The following KIRREL3 variants were observed in gnomAD, a reference collection of about 807,000 sequenced individuals.
KIRREL3 encodes kin of IRRE-like protein 3.
KIRREL3 carries 36 observed loss-of-function variants against 89.7 expected under a neutral mutation model. That is an observed-to-expected ratio of 0.40 (90% CI 0.31 to 0.53). The LOEUF is 0.53. Among genes scored for constraint, KIRREL3 ranks in the 20% least tolerant of loss-of-function variants. The probability of loss-of-function intolerance (pLI) is 0.49; values close to 1 mark genes in which losing one functional copy is unlikely to be tolerated. For synonymous variants in KIRREL3, 445 were observed against 441.4 expected, an observed-to-expected ratio of 1.01 and a Z score of -0.10; for missense variants, 864 against 1,056.6, an observed-to-expected ratio of 0.82 and a Z score of 2.53.
intron 1 of KIRREL3, among the ~76,000 whole-genome samples, chr11:126,822,034 G>C (rs750092559): frequency 2.6e-5 from 4 of 152,202 alleles, no homozygotes; most frequent in Non-Finnish European, 5.9e-5. Context: ...TTTGTGGTGA[G>C]TTGTTACAGC....
rs1189332628 is a variant in KIRREL3 at position 126,424,267 on chromosome 11, T to C, written c.*313A>G. 2 of 439,360 alleles carry C rather than the reference T, an allele frequency of 4.6e-6. No individual in the cohort carries two copies. The highest frequency in any genetic ancestry group is 3.9e-5 in the African/African-American group (2 of 50,868). 27.2% of individuals were successfully genotyped at this position (439,360 alleles called of 1,614,324 possible). A position where few individuals can be genotyped will look rare whatever the true frequency, so the allele number is the denominator to read the frequency against. ...AAAGCAGAGTTATAGCTGCCACTTG[T>C]GCCTGTGGGCAGAGCAGGTGGTAGA... On this transcript the variant is annotated 3_prime_UTR_variant, in exon 17 of 17. Coordinates refer to ENST00000525144, the MANE Select transcript of KIRREL3 (RefSeq NM_032531.4).
chr11:126,536,353 G>A (rs1167816144), intron 2 of KIRREL3, among the ~76,000 whole-genome samples: 1 of 152,110 alleles, frequency 6.6e-6, no homozygotes, highest in East Asian at 1.9e-4. Context: ...AGGAGCCGTT[G>A]CTTACTCCTC....
In KIRREL3 at chr11:126,601,683, G is replaced by T. The variant is rs997360888; in HGVS notation, c.56-38771C>A. On this transcript the variant is annotated intron_variant, in intron 1 of 16. Transcript: ENST00000525144. This position sits in a 1 kb window ranked among gnomAD's most constrained non-coding sequence, Gnocchi z 5.8. ...TCCTGGCCCCCTCTGCCCACTTGCCGCCCCTCCTCCATTCTTCTCATGCAT... is the reference window on the plus strand; with the variant it reads ...TCCTGGCCCCCTCTGCCCACTTGCCTCCCCTCCTCCATTCTTCTCATGCAT... Among the ~76,000 whole-genome samples, 6 of 152,132 alleles carry T rather than the reference G, an allele frequency of 3.9e-5. No individual in the cohort carries two copies. The highest frequency in any genetic ancestry group is 1.2e-4 in the African/African-American group (5 of 41,502).
Position 126,441,062 on chromosome 11 carries a change from G to A in KIRREL3, c.1253-513C>T, listed in dbSNP as rs1201343453. Among the ~76,000 whole-genome samples, 1 of 152,240 alleles carries A rather than the reference G, an allele frequency of 6.6e-6. No individual in the cohort carries two copies. The highest frequency in any genetic ancestry group is 1.9e-4 in the East Asian group (1 of 5,192). On this transcript the variant is annotated intron_variant, in intron 10 of 16. Coordinates refer to ENST00000525144, the MANE Select transcript of KIRREL3 (RefSeq NM_032531.4). This position sits in a 1 kb window ranked among gnomAD's most constrained non-coding sequence, Gnocchi z 5.0. The stretch of plus-strand genomic sequence containing the variant: ...AGCTGCTCGGCCAGACGGGCCAACG[G>A]GAAGAAATGGTTGCTGTCCCTCTCC...
intron 1 of KIRREL3, among the ~76,000 whole-genome samples, chr11:126,809,194 A>G (rs1408416521): frequency 6.6e-6 from 1 of 152,202 alleles, no homozygotes; most frequent in East Asian, 1.9e-4. Flanking sequence ...AGGGTCACCC[A>G]GTCATGAAAA....
rs796966801 is a variant in KIRREL3 at position 126,708,949 on chromosome 11, C to A, written c.56-146037G>T. On this transcript the variant is annotated intron_variant, in intron 1 of 16. Coordinates refer to ENST00000525144, the MANE Select transcript of KIRREL3 (RefSeq NM_032531.4). This position sits in a 1 kb window ranked among gnomAD's most constrained non-coding sequence, Gnocchi z 5.7. The stretch of plus-strand genomic sequence containing the variant: ...GCTGTTTCTTGAATTGGTTTCTTCT[C>A]TATCCCACTATTACTGTCCTGATCC... Among the ~76,000 whole-genome samples, 34 of 152,282 alleles carry A rather than the reference C, an allele frequency of 2.2e-4. No homozygotes were observed. Among genetic ancestry groups the A allele is most frequent in the African/African-American group, 7.7e-4 (32 of 41,568 alleles).
rs4937165 is a variant in KIRREL3 at position 126,636,560 on chromosome 11, C to T, written c.56-73648G>A. ...ATTTGAGTGTCTGCCCCTCATCCTG[C>T]CCCCCAGATCTCACTGCTCTCTGAG... On this transcript the variant is annotated intron_variant, in intron 1 of 16. Transcript: ENST00000525144. This position sits in a 1 kb window ranked among gnomAD's most constrained non-coding sequence, Gnocchi z 4.4. Among the ~76,000 whole-genome samples the T allele has an allele frequency of 0.2, 30,529 of 152,040 alleles. 3,202 individuals carry two copies. Among genetic ancestry groups the T allele is most frequent in the East Asian group, 0.4 (2,039 of 5,144 alleles).
At chr11:126,921,088 G>A (rs1449360815) in intron 1 of KIRREL3, among the ~76,000 whole-genome samples, 1 of 152,186 alleles carries the variant, frequency 6.6e-6, no homozygotes, top group Non-Finnish European at 1.5e-5. Flanking sequence ...CAAGGCAGGG[G>A]AAGGGCACAT....
intron 1 of KIRREL3, among the ~76,000 whole-genome samples, chr11:126,886,147 C>T (rs752598704): frequency 4.6e-5 from 7 of 152,202 alleles, no homozygotes; most frequent in Non-Finnish European, 7.3e-5. Flanking sequence ...TTTTGACCCA[C>T]GAATACTTAC....
chr11:126,932,533 G>T (rs79336206), intron 1 of KIRREL3, among the ~76,000 whole-genome samples: 10 of 152,034 alleles, frequency 6.6e-5, no homozygotes, highest in Non-Finnish European at 8.8e-5. Context: ...GAAGGTTTTC[G>T]GCCCATACAG....
intron 2 of KIRREL3, among the ~76,000 whole-genome samples, chr11:126,559,501 T>C (rs1038362503): frequency 3.3e-5 from 5 of 152,142 alleles, no homozygotes; most frequent in Non-Finnish European, 5.9e-5. Context: ...TCACACATCA[T>C]GATAGGTGCC....
chr11:126,600,171 G>A (rs564697650), intron 1 of KIRREL3, among the ~76,000 whole-genome samples: 1 of 152,182 alleles, frequency 6.6e-6, no homozygotes, highest in Non-Finnish European at 1.5e-5. Context: ...GTAGCCTGTA[G>A]CCAGTATCCA....
In KIRREL3 at chr11:126,666,886, C is replaced by G. The variant is rs1437406469; in HGVS notation, c.56-103974G>C. On this transcript the variant is annotated intron_variant, in intron 1 of 16. Coordinates refer to ENST00000525144, the MANE Select transcript of KIRREL3 (RefSeq NM_032531.4). The surrounding 1 kb of genome is among the most constrained non-coding windows in gnomAD (Gnocchi z 4.2). ...ATGGATACAGGTTTGATGAAAGGTC[C>G]CTGGGGAATGAGAGGGCTTAGCCAA... is the stretch of plus-strand genomic sequence containing the variant. Among the ~76,000 whole-genome samples the G allele has an allele frequency of 1.3e-5, 2 of 152,020 alleles. No homozygotes were observed. The highest frequency in any genetic ancestry group is 4.2e-4 in the South Asian group (2 of 4,814).
intron 1 of KIRREL3, among the ~76,000 whole-genome samples, chr11:126,921,931 C>T (rs1028797703): frequency 8.7e-5 from 13 of 149,596 alleles, no homozygotes; most frequent in South Asian, 2.1e-4. Flanking sequence ...TCTATCCATC[C>T]GCCTTCCTGT....
At chr11:126,481,660 C>G (rs192633583) in intron 4 of KIRREL3, among the ~76,000 whole-genome samples, 200 of 152,340 alleles carry the variant, frequency 1.3e-3, no homozygotes, top group Non-Finnish European at 2.6e-3. Context: ...TCTGAAGTAT[C>G]GCTCAGATTT....
At chr11:126,625,410 T>C (rs1473368762) in intron 1 of KIRREL3, among the ~76,000 whole-genome samples, 1 of 152,170 alleles carries the variant, frequency 6.6e-6, no homozygotes, top group Non-Finnish European at 1.5e-5. Flanking sequence ...TTGTAAGGAA[T>C]AAATTATTCC....
In KIRREL3 at chr11:126,575,510, C is replaced by T. The variant is rs940051603; in HGVS notation, c.56-12598G>A. Among the ~76,000 whole-genome samples the T allele has an allele frequency of 2.6e-5, 4 of 152,058 alleles. No homozygotes were observed. Among genetic ancestry groups the T allele is most frequent in the African/African-American group, 9.7e-5 (4 of 41,382 alleles). ...CTGTCTAAATGTATGGAACCAAGGC[C>T]GGACACATTGTAAGCCCCTATAAAT... On this transcript the variant is annotated intron_variant, in intron 1 of 16. Transcript: ENST00000525144. This position sits in a 1 kb window ranked among gnomAD's most constrained non-coding sequence, Gnocchi z 7.0.
rs994182518 is a variant in KIRREL3 at position 126,843,356 on chromosome 11, G to A, written c.55+157099C>T. On this transcript the variant is annotated intron_variant, in intron 1 of 16. Transcript: ENST00000525144. This position sits in a 1 kb window ranked among gnomAD's most constrained non-coding sequence, Gnocchi z 4.6. Reference sequence around the variant, plus strand: ...ATCTGGAAGATCTCCAAGTGTAAAGGTGCATGAGAAATGCTTCCAGTGAGT... The same window carrying A: ...ATCTGGAAGATCTCCAAGTGTAAAGATGCATGAGAAATGCTTCCAGTGAGT... 6.6e-6 allele frequency among the ~76,000 whole-genome samples: 1 copy of A among 152,152 alleles called. No homozygotes were observed. The highest frequency in any genetic ancestry group is 1.5e-5 in the Non-Finnish European group (1 of 68,030).
chr11:126,603,356 C>T (rs1192800688), intron 1 of KIRREL3, among the ~76,000 whole-genome samples: 1 of 152,222 alleles, frequency 6.6e-6, no homozygotes, highest in African/African-American at 2.4e-5. Context: ...GATGAGAACC[C>T]TCATTCCCAA....
Sources: gnomAD v4.1 joint callset for allele counts (sites outside exome capture counted in the v4.1 genomes callset) on GRCh38, gnomAD v4.1.1 for gene constraint, Gnocchi (gnomAD v3.1) non-coding constraint, MANE v1.5 for transcripts, NCBI Gene and HGNC (gene_info 2026-07-23, HGNC 2026-07-21) for gene names.